CTTNBP2: variants seen among roughly 807,000 people sequenced by gnomAD.
CTTNBP2 encodes cortactin binding protein 2.
In CTTNBP2, 108 loss-of-function variants were observed where a neutral mutation model predicts 156.9. That is an observed-to-expected ratio of 0.69 (90% CI 0.59 to 0.81). The LOEUF (loss-of-function observed/expected upper bound fraction) is 0.81. Ranked by LOEUF, CTTNBP2 falls within the 30% of genes least tolerant of loss-of-function variation. CTTNBP2 has a pLI of 0.00. For synonymous variants in CTTNBP2, 767 were observed against 751.8 expected (o/e 1.02, Z -0.33); for missense variants, 1,924 against 2,035.4 (o/e 0.95, Z 1.05).
At chr7:117,824,978 A>G (rs2117046494) in intron 2 of CTTNBP2, among the ~76,000 whole-genome samples, 1 of 152,174 alleles carries the variant, frequency 6.6e-6, no homozygotes, top group Admixed American at 6.5e-5. Context: ...CCATCCTTGG[A>G]CCAGTAGGAG....
At chr7:117,859,434 T>C (rs1034911223) in intron 2 of CTTNBP2, among the ~76,000 whole-genome samples, 1 of 152,194 alleles carries the variant, frequency 6.6e-6, no homozygotes, top group Non-Finnish European at 1.5e-5. Flanking sequence ...TGTTCAAACA[T>C]TGATGTGAGT....
intron 12 of CTTNBP2, among the ~76,000 whole-genome samples, chr7:117,748,979 C>G (rs1001919434): frequency 4.7e-4 from 71 of 152,186 alleles, no homozygotes; most frequent in African/African-American, 1.7e-3. Flanking sequence ...AGGAAACAGG[C>G]CCTAACCAGA....
At chr7:117,829,617 T>G (rs185534170) in intron 2 of CTTNBP2, among the ~76,000 whole-genome samples, 497 of 152,336 alleles carry the variant, frequency 3.3e-3, no homozygotes, top group Middle Eastern at 0.01. Flanking sequence ...GCCCTATTCC[T>G]GTTTCTCACT....
intron 3 of CTTNBP2, among the ~76,000 whole-genome samples, chr7:117,797,373 A>G (rs1799374555): frequency 6.6e-6 from 1 of 152,236 alleles, no homozygotes; most frequent in East Asian, 1.9e-4. Context: ...AACAGAATCC[A>G]GAGTCTGCAA....
chr7:117,766,907 A>C, intron 9 of CTTNBP2, 152 bp downstream of exon 9: 2 of 555,038 alleles, frequency 3.6e-6, no homozygotes, highest in Non-Finnish European at 3.2e-6. Flanking sequence ...AAAATAGTTA[A>C]TTATCACACT....
At chr7:117,744,890 G>T (rs1194980434) in intron 14 of CTTNBP2, among the ~76,000 whole-genome samples, 2 of 152,136 alleles carry the variant, frequency 1.3e-5, no homozygotes, top group African/African-American at 2.4e-5. Flanking sequence ...GTCTACATTT[G>T]CCCTGGCCAC....
intron 2 of CTTNBP2, among the ~76,000 whole-genome samples, chr7:117,816,190 T>C (rs1800566787): frequency 3.3e-5 from 5 of 152,166 alleles, no homozygotes; most frequent in Admixed American, 3.3e-4. Context: ...GTTCACCCAC[T>C]GCCTAAGGTA....
At chr7:117,750,660 C>G (rs146226521) in intron 12 of CTTNBP2, among the ~76,000 whole-genome samples, 1 of 152,184 alleles carries the variant, frequency 6.6e-6, no homozygotes, top group East Asian at 1.9e-4. Context: ...TTACTGGGAA[C>G]CTGTTACTCT....
intron 2 of CTTNBP2, among the ~76,000 whole-genome samples, chr7:117,853,741 T>C (rs1025410284): frequency 5.3e-5 from 8 of 152,196 alleles, no homozygotes; most frequent in Non-Finnish European, 1.2e-4. Context: ...TGTGGGAGAT[T>C]GAGCTGCGAA....
intron 2 of CTTNBP2, among the ~76,000 whole-genome samples, chr7:117,836,390 C>CTAGTAGAGTATTTTAG (rs1801937527): frequency 6.6e-6 from 1 of 152,134 alleles, no homozygotes; most frequent in Non-Finnish European, 1.5e-5. Context: ...CGACGAAACC[C>CTAGTAGAGTATTTTAG]TATCTCTACT....
At chr7:117,817,347 A>AG in intron 2 of CTTNBP2, among the ~76,000 whole-genome samples, 1 of 48,426 alleles carries the variant, frequency 2.1e-5, no homozygotes, top group Non-Finnish European at 4.3e-5. Context: ...AAAAAAAAAA[A>AG]AAAAAAAAAA....
intron 22 of CTTNBP2, among the ~76,000 whole-genome samples, chr7:117,717,256 T>TTATTTTTAAAGTCTCA (rs1554403396): frequency 4.6e-5 from 7 of 152,224 alleles, no homozygotes; most frequent in African/African-American, 1.7e-4. Flanking sequence ...CCATTCAGAC[T>TTATTTTTAAAGTCTCA]TATTTTTAAA....
At chr7:117,783,991 A>G (rs1798566252) in intron 5 of CTTNBP2, among the ~76,000 whole-genome samples, 1 of 152,228 alleles carries the variant, frequency 6.6e-6, no homozygotes, top group East Asian at 1.9e-4. Flanking sequence ...CTAACAGACC[A>G]TAAATGCAAA....
At chr7:117,815,328 G>T (rs1548952) in intron 2 of CTTNBP2, among the ~76,000 whole-genome samples, 1 of 151,576 alleles carries the variant, frequency 6.6e-6, no homozygotes, top group South Asian at 2.1e-4. Context: ...TATGAATGCA[G>T]TGCACTCACA....
intron 2 of CTTNBP2, among the ~76,000 whole-genome samples, chr7:117,822,795 T>A (rs1801045789): frequency 6.6e-6 from 1 of 152,200 alleles, no homozygotes; most frequent in African/African-American, 2.4e-5. Context: ...CCACATGCAC[T>A]TAACCAGAGT....
intron 2 of CTTNBP2, among the ~76,000 whole-genome samples, chr7:117,836,428 G>A (rs1421684474): frequency 6.6e-6 from 1 of 152,148 alleles, no homozygotes; most frequent in Admixed American, 6.5e-5. Context: ...GCCAGGCGTG[G>A]TGGTGGGCGC....
At chr7:117,732,278 T>C (rs1795443074) in intron 16 of CTTNBP2, among the ~76,000 whole-genome samples, 1 of 152,148 alleles carries the variant, frequency 6.6e-6, no homozygotes, top group South Asian at 2.1e-4. Context: ...ATTTTATTTA[T>C]AAAAATCAAA....
rs1349734266 is a variant in CTTNBP2 at position 117,792,142 on chromosome 7, C to G, written c.1054G>C (p.Ala352Pro). 6.2e-7 allele frequency: 1 copy of G among 1,614,106 alleles called. No individual in the cohort carries two copies. The highest frequency in any genetic ancestry group is 8.5e-7 in the Non-Finnish European group (1 of 1,180,018). The part of the protein sequence containing the change: ...KGSVCTSATM[A>P]RPGIDRQASY... Reference sequence around the variant, plus strand: ...GCCTGCCTGTCAATACCTGGTCTGGCCATGGTGGCACTGGTGCACACGCTC... The same window carrying G: ...GCCTGCCTGTCAATACCTGGTCTGGGCATGGTGGCACTGGTGCACACGCTC... Residue 352 changes from alanine to proline, a missense_variant, in exon 4 of 23, where the codon GCC (alanine) becomes CCC (proline). By Grantham distance (27) the Ala-to-Pro change is conservative (BLOSUM62 -1). Coordinates refer to ENST00000160373, the MANE Select transcript of CTTNBP2 (RefSeq NM_033427.3). The surrounding 1 kb of genome is among the most constrained non-coding windows in gnomAD (Gnocchi z 4.2).
At chr7:117,849,181 A>C (rs935994980) in intron 2 of CTTNBP2, among the ~76,000 whole-genome samples, 1 of 152,162 alleles carries the variant, frequency 6.6e-6, no homozygotes, top group African/African-American at 2.4e-5. Flanking sequence ...TCCAACCCTG[A>C]CACCTAATCA....
Sources: allele counts gnomAD v4.1 joint callset (sites outside exome capture counted in the v4.1 genomes callset), GRCh38; gene constraint gnomAD v4.1.1; non-coding constraint Gnocchi (gnomAD v3.1); transcripts MANE v1.5; gene names NCBI Gene and HGNC (gene_info 2026-07-23, HGNC 2026-07-21).